GPHN: variants seen among roughly 807,000 people sequenced by gnomAD.
The protein encoded by GPHN is gephyrin.
A neutral mutation model predicts 95.5 loss-of-function variants in GPHN; 17 were observed. The ratio of observed to expected loss-of-function variants is 0.18; its 90% confidence interval spans 0.12 to 0.27. The LOEUF (loss-of-function observed/expected upper bound fraction) is 0.27. GPHN is among the 10% of genes least tolerant of loss of function. The pLI, the probability that GPHN is intolerant of heterozygous loss-of-function variation, is 1.00. For missense variants in GPHN, 660 were observed against 978.1 expected, an observed-to-expected ratio of 0.67 and a Z score of 4.34; for synonymous variants, 320 against 322.5, an observed-to-expected ratio of 0.99 and a Z score of 0.08.
chr14:67,625,680 CAA>C, the GPHN span, among the ~76,000 whole-genome samples: 2 of 32,110 alleles, frequency 6.2e-5, no homozygotes, highest in Admixed American at 3.6e-4. Flanking sequence ...AACTCCATCT[CAA>C]AAAAAAAAAA....
At chr14:67,582,393 T>G in the GPHN span, 13 of 1,021,692 alleles carry the variant, frequency 1.3e-5, no homozygotes, top group South Asian at 1.4e-4. The surrounding 1 kb of genome is among the most constrained non-coding windows in gnomAD (Gnocchi z 5.0). Context: ...ACCGCAGATA[T>G]AGGATGCGTG....
chr14:67,587,556 C>T, the GPHN span: 2 of 346,190 alleles, frequency 5.8e-6, no homozygotes, highest in Non-Finnish European at 1.1e-5. Flanking sequence ...TAAGTTAAGG[C>T]TTTCTGCACT....
Position 66,683,348 on chromosome 14 carries a change from A to G in GPHN, c.143+2163A>G, listed in dbSNP as rs1411369496. 1.1e-4 allele frequency among the ~76,000 whole-genome samples: 10 copies of G among 94,794 alleles called. 1 individual carries two copies. The highest frequency in any genetic ancestry group is 3.4e-4 in the South Asian group (1 of 2,920). 62.2% of individuals were successfully genotyped at this position (94,794 alleles called of 152,430 possible). ...TGTGGAAATATATATATATATATAT[A>G]TATATATATATATATATATATATAT... On this transcript the variant is annotated intron_variant, in intron 2 of 22. Coordinates refer to ENST00000478722, the MANE Select transcript of GPHN (RefSeq NM_020806.5).
At chr14:67,537,656 C>A in the GPHN span, among the ~76,000 whole-genome samples, 1 of 152,038 alleles carries the variant, frequency 6.6e-6, no homozygotes, top group Non-Finnish European at 1.5e-5. Flanking sequence ...CAGAGTGAGA[C>A]CCTGTCTCAA....
In GPHN at chr14:67,159,285, A is replaced by C; in HGVS notation, c.1837-130A>C. On this transcript the variant is annotated intron_variant, in intron 18 of 22. Transcript: ENST00000478722. ...AATGAAGGAATATTTGTGTTAAGCA[A>C]ATCAACTCCATTAAAATAAGAAAGA... is the stretch of plus-strand genomic sequence containing the variant. The C allele has an allele frequency of 8.3e-6, 6 of 720,244 alleles. No homozygotes were observed. The Admixed American group carries it at 1.2e-4, about 15-fold the overall frequency. 44.6% of individuals were successfully genotyped at this position (720,244 alleles called of 1,614,324 possible).
intron 4 of GPHN, among the ~76,000 whole-genome samples, chr14:66,878,246 A>G (rs2063759143): frequency 1.3e-5 from 2 of 152,206 alleles, no homozygotes; most frequent in South Asian, 4.1e-4. Flanking sequence ...AAAGACTTAC[A>G]TGTAAGACCT....
the GPHN span, among the ~76,000 whole-genome samples, chr14:67,666,424 T>A: frequency 1.3e-5 from 2 of 152,240 alleles, no homozygotes; most frequent in African/African-American, 2.4e-5. Context: ...TTTCCTCTTA[T>A]AAGTGCTCTA....
At chr14:67,203,054 A>G in the GPHN span, 2 of 1,590,842 alleles carry the variant, frequency 1.3e-6, no homozygotes, top group Non-Finnish European at 1.7e-6. Flanking sequence ...AAAGCCACAC[A>G]TTTCATCATA....
chr14:67,112,934 CT>C (rs1567349214), intron 15 of GPHN, 83 bp from the exon 16 acceptor site: 5 of 1,276,358 alleles, frequency 3.9e-6, no homozygotes, highest in Non-Finnish European at 5.7e-6. Context: ...CTTGAATGTC[CT>C]TTTTTGACAC....
chr14:66,590,509 G>T (rs546481040), intron 1 of GPHN, among the ~76,000 whole-genome samples: 3 of 152,286 alleles, frequency 2.0e-5, no homozygotes, highest in Non-Finnish European at 2.9e-5. Flanking sequence ...ACTACCATCA[G>T]AGAATGATAT....
the GPHN span, among the ~76,000 whole-genome samples, chr14:67,642,941 T>G: frequency 6.6e-6 from 1 of 152,006 alleles, no homozygotes; most frequent in Non-Finnish European, 1.5e-5. Context: ...TAGCTGGGAC[T>G]ACAGGTGCAT....
chr14:67,465,292 G>A, the GPHN span, among the ~76,000 whole-genome samples: 13 of 152,246 alleles, frequency 8.5e-5, 1 homozygote, highest in African/African-American at 2.9e-4. Flanking sequence ...GTGTTCCAGG[G>A]AGAGGTAACA....
the GPHN span, among the ~76,000 whole-genome samples, chr14:67,211,381 T>G: frequency 6.6e-6 from 1 of 152,134 alleles, no homozygotes; most frequent in South Asian, 2.1e-4. Flanking sequence ...ACACAGGATG[T>G]CTGAAGTAAT....
intron 4 of GPHN, among the ~76,000 whole-genome samples, chr14:66,864,930 T>G (rs1237068770): frequency 6.6e-6 from 1 of 152,194 alleles, no homozygotes; most frequent in Non-Finnish European, 1.5e-5. Context: ...GAATTCTATT[T>G]GGCCATATAA....
chr14:67,185,152 A>G (rs191699070), downstream of GPHN, among the ~76,000 whole-genome samples: 1 of 152,336 alleles, frequency 6.6e-6, no homozygotes, highest in East Asian at 1.9e-4. Flanking sequence ...AAAGAAAGAC[A>G]CAAAATAGTA....
Position 66,713,222 on chromosome 14 carries a change from C to T in GPHN, c.143+32037C>T, listed in dbSNP as rs1453432034. Reference sequence around the variant, plus strand: ...GTCATGAAATCCTTGCCTAAGCCAACGTGTAGAAGGGTTTTTCTGATGTTA... The same window carrying T: ...GTCATGAAATCCTTGCCTAAGCCAATGTGTAGAAGGGTTTTTCTGATGTTA... On this transcript the variant is annotated intron_variant, in intron 2 of 22. Transcript: ENST00000478722. Among the ~76,000 whole-genome samples, 4 of 152,072 alleles carry T rather than the reference C, an allele frequency of 2.6e-5. 1 individual carries two copies. The highest frequency in any genetic ancestry group is 2.1e-4 in the South Asian group (1 of 4,822).
chr14:67,587,387 C>A, the GPHN span: 1 of 816,034 alleles, frequency 1.2e-6, no homozygotes, highest in South Asian at 1.5e-5. Context: ...AGCCTTTACT[C>A]TCTAGGTGCC....
intron 4 of GPHN, among the ~76,000 whole-genome samples, chr14:66,859,437 A>T (rs1445685783): frequency 1.3e-5 from 2 of 152,224 alleles, no homozygotes; most frequent in Non-Finnish European, 2.9e-5. Flanking sequence ...GTCTGCAAGA[A>T]CTATAGCATT....
At chr14:67,217,788 A>AT in the GPHN span, among the ~76,000 whole-genome samples, 80 of 151,788 alleles carry the variant, frequency 5.3e-4, no homozygotes, top group Non-Finnish European at 9.7e-4. Context: ...TTTTTCTGAC[A>AT]TTTTCTATGT....
Sources: allele counts gnomAD v4.1 joint callset (sites outside exome capture counted in the v4.1 genomes callset), GRCh38; gene constraint gnomAD v4.1.1; non-coding constraint Gnocchi (gnomAD v3.1); transcripts MANE v1.5; gene names NCBI Gene and HGNC (gene_info 2026-07-23, HGNC 2026-07-21).